Variants in TRAK1 observed in about 807,000 individuals in gnomAD.
TRAK1 encodes the protein trafficking kinesin protein 1.
A neutral mutation model predicts 92.1 loss-of-function variants in TRAK1; 33 were observed. That is an observed-to-expected ratio of 0.36 (90% CI 0.27 to 0.48). The LOEUF (loss-of-function observed/expected upper bound fraction) is 0.48. Among genes scored for constraint, TRAK1 ranks in the 20% least tolerant of loss-of-function variants. The probability of loss-of-function intolerance (pLI) is 0.99; values close to 1 mark genes in which losing one functional copy is unlikely to be tolerated. For missense variants in TRAK1, 1,123 were observed against 1,257.9 expected (o/e 0.89, Z 1.62); for synonymous variants, 521 against 517.3 (o/e 1.01, Z -0.10).
At chr3:42,192,863 C>T (rs544331415) in intron 7 of TRAK1, among the ~76,000 whole-genome samples, 1 of 152,292 alleles carries the variant, frequency 6.6e-6, no homozygotes, top group African/African-American at 2.4e-5. Context: ...GGGTGAGATT[C>T]TTTTTCATAA....
chr3:42,094,506 A>G (rs2148983992), intron 1 of TRAK1, among the ~76,000 whole-genome samples: 1 of 151,914 alleles, frequency 6.6e-6, no homozygotes, highest in East Asian at 1.9e-4. Context: ...CCTCCCAAGT[A>G]GCTGCGACTA....
chr3:42,131,043 C>T (rs889823451), intron 2 of TRAK1, among the ~76,000 whole-genome samples: 3 of 152,140 alleles, frequency 2.0e-5, no homozygotes, highest in Admixed American at 2.0e-4. Flanking sequence ...AGCGTTTATA[C>T]GGTTGGTTTT....
At chr3:42,023,100 G>A (rs1417640048) in intron 1 of TRAK1, among the ~76,000 whole-genome samples, 2 of 148,010 alleles carry the variant, frequency 1.4e-5, no homozygotes, top group African/African-American at 5.0e-5. Context: ...AGAGGTTGCA[G>A]TGAGCCGAGA....
At chr3:42,063,547 C>G (rs1317906343) in intron 1 of TRAK1, among the ~76,000 whole-genome samples, 1 of 152,092 alleles carries the variant, frequency 6.6e-6, no homozygotes, top group South Asian at 2.1e-4. Context: ...CTAGCCAGGC[C>G]TGGTGGGACA....
rs373262345 is a variant in TRAK1, at chr3:42,184,763, G to A, written c.442G>A (p.Glu148Lys). Residue 148 changes from glutamate (E) to lysine (K), a missense_variant, in exon 4 of 16, where the codon GAG becomes AAG. By Grantham distance (56) the Glu-to-Lys change is moderately conservative. Around this residue, in one of 3 missense-constraint regions of TRAK1, gnomAD observed 686 missense variants for 747.6 expected, o/e 0.92. Transcript: ENST00000327628. ...KKNKTLTERN[E>K]LLEEQVEHIR... ...GAACAAGACCCTAACCGAGAGGAAC[G>A]AGCTGCTGGAGGAGCAGGTGGAACA... is the stretch of plus-strand genomic sequence containing the variant. 6.2e-7 allele frequency: 1 copy of A among 1,614,064 alleles called. No homozygotes were observed. Among genetic ancestry groups the A allele is most frequent in the Admixed American group, 1.7e-5 (1 of 60,032 alleles).
In TRAK1 at chr3:42,201,032, G is replaced by A. The variant is rs1336182876; in HGVS notation, c.1405G>A (p.Glu469Lys). 2 of 1,614,176 alleles carry A rather than the reference G, an allele frequency of 1.2e-6. No homozygotes were observed. Among genetic ancestry groups the A allele is most frequent in the Middle Eastern group, 3.3e-4 (2 of 6,062 alleles). ...CAACAAGACCAACAGCATCATTCTG[G>A]AAACAGAGGCAGCCGACCTGGGGTG... is the stretch of plus-strand genomic sequence containing the variant. ...LDNKTNSIIL[E>K]TEAADLGNDE... Residue 469 changes from glutamate to lysine, a missense_variant, in exon 12 of 16, where the codon GAA becomes AAA. Glu to Lys is a moderately conservative substitution (Grantham distance 56). Transcript: ENST00000327628.
chr3:42,106,351 CA>C (rs1032593808), intron 1 of TRAK1, among the ~76,000 whole-genome samples: 3 of 149,076 alleles, frequency 2.0e-5, no homozygotes, highest in African/African-American at 7.4e-5. Context: ...GAAAACAAAA[CA>C]AAAAAAAAGC....
chr3:42,200,532 A>G (rs1206408934), intron 11 of TRAK1, among the ~76,000 whole-genome samples: 1 of 152,210 alleles, frequency 6.6e-6, no homozygotes, highest in Non-Finnish European at 1.5e-5. Flanking sequence ...TTTGTGGGTT[A>G]AGCTTTAGGG....
At chr3:42,211,925 ACC>A (rs1709093268) in intron 14 of TRAK1, 1 of 985,348 alleles carries the variant, frequency 1.0e-6, no homozygotes, top group Non-Finnish European at 1.2e-6. Flanking sequence ...AAAAAGAATT[ACC>A]TAGGTTGCCA....
At chr3:42,136,735 T>C (rs570999787) in intron 2 of TRAK1, among the ~76,000 whole-genome samples, 1 of 152,248 alleles carries the variant, frequency 6.6e-6, no homozygotes, top group South Asian at 2.1e-4. Context: ...CAGGCTGGAG[T>C]GCAGTGGCGT....
intron 1 of TRAK1, among the ~76,000 whole-genome samples, chr3:42,079,026 A>G (rs1486364109): frequency 5.3e-5 from 8 of 152,166 alleles, no homozygotes; most frequent in African/African-American, 1.9e-4. Flanking sequence ...GGCAACCTGA[A>G]TAAGTGTGGA....
chr3:42,118,339 G>T (rs1015801725), intron 1 of TRAK1, among the ~76,000 whole-genome samples: 5 of 151,602 alleles, frequency 3.3e-5, no homozygotes, highest in Admixed American at 6.6e-5. Flanking sequence ...TGATCTGCCC[G>T]CCTCGGCCTC....
chr3:42,123,862 G>A (rs1352263286), intron 1 of TRAK1, among the ~76,000 whole-genome samples: 2 of 152,094 alleles, frequency 1.3e-5, no homozygotes, highest in Admixed American at 6.6e-5. Flanking sequence ...TTGACTTCAG[G>A]CCCAGCAAGA....
intron 1 of TRAK1, among the ~76,000 whole-genome samples, chr3:42,022,459 C>T (rs915983541): frequency 7.9e-5 from 12 of 152,162 alleles, no homozygotes; most frequent in African/African-American, 2.4e-4. Context: ...TAGCAGCTCA[C>T]GCCTGTAATG....
chr3:42,177,119 G>A (rs1457318958), intron 3 of TRAK1, among the ~76,000 whole-genome samples: 4 of 152,348 alleles, frequency 2.6e-5, no homozygotes, highest in Middle Eastern at 3.4e-3. Context: ...CAAATGTGGT[G>A]TGTTTAAATA....
chr3:42,188,158 AG>A lies in TRAK1; in HGVS notation c.581+16del. On this transcript the variant is annotated intron_variant, in intron 5 of 15. Coordinates refer to ENST00000327628, the MANE Select transcript of TRAK1 (RefSeq NM_001042646.3). ...TTTGCTCAACCCCGTAAGTCACCAG[AG>A]GGCTGTATTTCTGGAGGCCAGAGCA... 6.2e-7 allele frequency: 1 copy of A among 1,613,672 alleles called. No individual in the cohort carries two copies. Among genetic ancestry groups the A allele is most frequent in the East Asian group, 2.2e-5 (1 of 44,858 alleles).
upstream of TRAK1, among the ~76,000 whole-genome samples, chr3:42,013,380 C>G (rs1430949072): frequency 6.6e-6 from 1 of 152,158 alleles, no homozygotes; most frequent in Non-Finnish European, 1.5e-5. The surrounding 1 kb of genome is among the most constrained non-coding windows in gnomAD (Gnocchi z 5.1). Flanking sequence ...TAAATAAGCG[C>G]TCGGGGAGGG....
chr3:42,088,180 C>T, upstream of TRAK1, among the ~76,000 whole-genome samples: 1 of 152,200 alleles, frequency 6.6e-6, no homozygotes, highest in East Asian at 1.9e-4. Context: ...TGCCTGATGA[C>T]AGCTTAATAT....
At chr3:42,138,015 C>G (rs1214071726) in intron 2 of TRAK1, among the ~76,000 whole-genome samples, 2 of 115,210 alleles carry the variant, frequency 1.7e-5, no homozygotes, top group Non-Finnish European at 3.9e-5. Flanking sequence ...GTTTTATGAC[C>G]ATTTCTTAAT....
Sources: allele counts gnomAD v4.1 joint callset (sites outside exome capture counted in the v4.1 genomes callset), GRCh38; gene constraint gnomAD v4.1.1; regional missense constraint gnomAD v4.1.1; non-coding constraint Gnocchi (gnomAD v3.1); transcripts MANE v1.5; gene names NCBI Gene and HGNC (gene_info 2026-07-23, HGNC 2026-07-21).